ZFP90: variants seen among roughly 807,000 people sequenced by gnomAD.
ZFP90 encodes ZFP90 zinc finger protein.
ZFP90 carries 38 observed loss-of-function variants against 60.8 expected under a neutral mutation model. The ratio of observed to expected loss-of-function variants is 0.62; its 90% CI spans 0.48 to 0.82. The LOEUF (loss-of-function observed/expected upper bound fraction) is 0.82, where lower values mean the gene tolerates loss of function less well. Ranked by LOEUF, ZFP90 falls within the 40% of genes least tolerant of loss-of-function variation. The pLI, the probability that ZFP90 is intolerant of heterozygous loss-of-function variation, is 0.00. For synonymous variants in ZFP90, 287 were observed against 264.8 expected (o/e 1.08, Z -0.82); for missense variants, 711 against 759.1 (o/e 0.94, Z 0.74).
chr16:68,558,202 G>GCTTA, intron 3 of ZFP90, 78 bp downstream of exon 3: 3 of 1,584,646 alleles, frequency 1.9e-6, no homozygotes, highest in Non-Finnish European at 2.6e-6. Context: ...GGTGCCCAGA[G>GCTTA]CTTAGGTAAC....
chr16:68,560,934 T>G (rs934218226), intron 4 of ZFP90, among the ~76,000 whole-genome samples: 1 of 145,844 alleles, frequency 6.9e-6, no homozygotes, highest in African/African-American at 2.6e-5. Context: ...CAGGCTGGAG[T>G]ACAATGGCAT....
intron 4 of ZFP90, among the ~76,000 whole-genome samples, chr16:68,560,537 T>TTGATTTTGTTTGTTTGTTTGTTTATTTA (rs149308667): frequency 6.8e-5 from 10 of 147,228 alleles, no homozygotes; most frequent in South Asian, 2.2e-4. Context: ...CCACACTGGA[T>TTGATTTTGTTTGTTTGTTTGTTTATTTA]TTTATTTATT....
chr16:68,563,246 A>C lies in ZFP90; in HGVS notation c.459A>C (p.Glu153Asp). Residue 153 changes from glutamate to aspartate, a missense_variant, in exon 5 of 5, where the codon GAA becomes GAC. Physicochemically the swap from Glu to Asp is conservative, Grantham distance 45 (BLOSUM62 2). This residue lies in a region of ZFP90 where 241 missense variants were observed against 247.6 expected (regional missense o/e 0.97). Transcript: ENST00000563169. Reference protein sequence around the residue: ...STQKKIITPQENFEQNKFGEN... With the variant: ...STQKKIITPQDNFEQNKFGEN... ...AGAAGAAAATAATTACACCACAAGA[A>C]AATTTTGAGCAAAATAAATTTGGTG... The C allele has an allele frequency of 6.2e-7, 1 of 1,613,644 alleles. No individual in the cohort carries two copies. Among genetic ancestry groups the C allele is most frequent in the Non-Finnish European group, 8.5e-7 (1 of 1,179,832 alleles).
At chr16:68,550,764 C>T (rs989234636) in intron 2 of ZFP90, among the ~76,000 whole-genome samples, 1 of 152,152 alleles carries the variant, frequency 6.6e-6, no homozygotes, top group Admixed American at 6.5e-5. Flanking sequence ...GATTGCCATT[C>T]CCTGGATTAA....
chr16:68,556,009 T>A (rs982580987), intron 2 of ZFP90, among the ~76,000 whole-genome samples: 2 of 152,134 alleles, frequency 1.3e-5, no homozygotes, highest in Non-Finnish European at 2.9e-5. Context: ...GAGACAGAAG[T>A]CTAACCAGGA....
At chr16:68,536,121 C>G (rs1202010185), upstream of ZFP90, among the ~76,000 whole-genome samples, 2 of 152,232 alleles carry the variant, frequency 1.3e-5, no homozygotes, top group African/African-American at 4.8e-5. Flanking sequence ...ATTCAGGTTG[C>G]TCTCCTTACA....
At chr16:68,575,646 A>G in intron 2 of ZFP90, 1 of 369,726 alleles carries the variant, frequency 2.7e-6, no homozygotes, top group East Asian at 4.0e-5. Context: ...GATGAAGGTT[A>G]GTGATCAATC....
chr16:68,570,930 A>G (rs987055992), downstream of ZFP90, among the ~76,000 whole-genome samples: 3 of 152,198 alleles, frequency 2.0e-5, no homozygotes, highest in Non-Finnish European at 2.9e-5. Context: ...CCATGTATGC[A>G]AAGCAACCCT....
intron 1 of ZFP90, chr16:68,533,689 T>C (rs759342352): frequency 6.6e-6 from 1 of 152,216 alleles, no homozygotes; most frequent in Non-Finnish European, 1.5e-5. Context: ...TGTTGTTGTT[T>C]TGAGACAGAG....
At chr16:68,558,797 T>C (rs180976113) in intron 4 of ZFP90, among the ~76,000 whole-genome samples, 51 of 152,294 alleles carry the variant, frequency 3.3e-4, no homozygotes, top group Non-Finnish European at 4.9e-4. Context: ...TAGAGATCCC[T>C]TCTCTTACTC....
upstream of ZFP90, among the ~76,000 whole-genome samples, chr16:68,535,990 T>G (rs950877088): frequency 6.6e-6 from 1 of 152,200 alleles, no homozygotes; most frequent in African/African-American, 2.4e-5. Context: ...GGGTGTGAGC[T>G]GAAGTTCTCA....
At chr16:68,551,991 ATCTCG>A (rs2091269983) in intron 2 of ZFP90, among the ~76,000 whole-genome samples, 1 of 148,182 alleles carries the variant, frequency 6.7e-6, no homozygotes, top group African/African-American at 2.5e-5. Context: ...CGATCTCCTG[ATCTCG>A]TGATCCACCC....
intron 2 of ZFP90, among the ~76,000 whole-genome samples, chr16:68,541,628 A>T (rs1032477126): frequency 1.3e-5 from 2 of 152,010 alleles, no homozygotes; most frequent in Admixed American, 1.3e-4. Flanking sequence ...ACTTCTTATT[A>T]TATGTTTCTG....
intron 2 of ZFP90, among the ~76,000 whole-genome samples, chr16:68,543,660 A>C (rs1238374858): frequency 6.6e-6 from 1 of 151,258 alleles, no homozygotes. Context: ...TCCCTGATTC[A>C]AGCTATTTTC....
In ZFP90 at chr16:68,555,845, G is replaced by T. The variant is rs183154675; in HGVS notation, c.34-2153G>T. On this transcript the variant is annotated intron_variant, in intron 2 of 4. Coordinates refer to ENST00000563169, the MANE Select transcript of ZFP90 (RefSeq NM_001305203.2). ...AATGATACTCTTGAGGAATTTGAGT[G>T]AATCGGTTCAGCTATACCTAAGCAA... Among the ~76,000 whole-genome samples the T allele has an allele frequency of 2.4e-3, 372 of 152,300 alleles. 1 individual carries two copies. Among genetic ancestry groups the T allele is most frequent in the African/African-American group, 8.6e-3 (359 of 41,554 alleles).
In ZFP90 at chr16:68,564,582, C is replaced by T. The variant is rs895749743; in HGVS notation, c.1795C>T (p.His599Tyr). 3 of 1,614,044 alleles carry T rather than the reference C, an allele frequency of 1.9e-6. No individual in the cohort carries two copies. The highest frequency in any genetic ancestry group is 3.3e-5 in the Admixed American group (2 of 60,012). The change falls in exon 5 of 5, where the codon CAT (histidine) becomes TAT (tyrosine). Residue 599 changes from histidine (H) to tyrosine (Y), a missense_variant. This residue lies in a region of ZFP90 where 295 missense variants were observed against 274.0 expected (regional missense o/e 1.08). Coordinates refer to ENST00000563169, the MANE Select transcript of ZFP90 (RefSeq NM_001305203.2). Reference protein sequence around the residue: ...AFRKKTNLHDHQRIHTGEKPY... With the variant: ...AFRKKTNLHDYQRIHTGEKPY... ...CCGAAAAAAAACCAACCTGCATGATCATCAGAGAATTCATACTGGAGAAAA... is the reference window on the plus strand; with the variant it reads ...CCGAAAAAAAACCAACCTGCATGATTATCAGAGAATTCATACTGGAGAAAA...
intron 2 of ZFP90, among the ~76,000 whole-genome samples, chr16:68,543,960 C>G (rs1451979404): frequency 6.7e-6 from 1 of 149,428 alleles, no homozygotes; most frequent in Non-Finnish European, 1.5e-5. Context: ...TCAAGCAATT[C>G]TCCTGCCTCA....
chr16:68,558,590 A>G (rs759635396), intron 4 of ZFP90, 22 bp downstream of exon 4: 1 of 1,602,048 alleles, frequency 6.2e-7, no homozygotes, highest in Admixed American at 1.7e-5. Flanking sequence ...AGAGTCAGGC[A>G]TTAGGAATGA....
rs71148910 is a variant in ZFP90, at chr16:68,540,811, A to AG, written c.33+986_33+987insG. Among the ~76,000 whole-genome samples the AG allele has an allele frequency of 9.6e-5, 14 of 145,328 alleles. 1 individual carries two copies. Among genetic ancestry groups the AG allele is most frequent in the East Asian group, 2.0e-4 (1 of 5,066 alleles). On this transcript the variant is annotated intron_variant, in intron 2 of 4. Transcript: ENST00000563169. ...ACATAGTGAGACTCCGTCTCTGCAA[A>AG]AAAAAAAAAAAAAAAAAAATTTAAA...
Sources: gnomAD v4.1 joint callset for allele counts (sites outside exome capture counted in the v4.1 genomes callset) on GRCh38, gnomAD v4.1.1 for gene constraint, gnomAD v4.1.1 regional missense constraint, MANE v1.5 for transcripts, NCBI Gene and HGNC (gene_info 2026-07-23, HGNC 2026-07-21) for gene names.